TVP23C: variants seen among roughly 807,000 people sequenced by gnomAD.
TVP23C encodes trans-golgi network vesicle protein 23 homolog C.
A neutral mutation model predicts 28.7 loss-of-function variants in TVP23C; 19 were observed. The ratio of observed to expected loss-of-function variants is 0.66; its 90% CI spans 0.46 to 0.97. The LOEUF (loss-of-function observed/expected upper bound fraction) is 0.97. TVP23C is among the 50% of genes least tolerant of loss of function. TVP23C has a pLI of 0.00. For missense variants in TVP23C, 186 were observed against 241.3 expected, an observed-to-expected ratio of 0.77 and a Z score of 1.52; for synonymous variants, 68 against 81.7, an observed-to-expected ratio of 0.83 and a Z score of 0.90.
rs12452348 is a variant in TVP23C at position 15,502,540 on chromosome 17, G to A, written c.*324C>T. On this transcript the variant is annotated 3_prime_UTR_variant, in exon 6 of 6. Transcript: ENST00000225576. ...CCTTGGGGATCCCCTCCTTTGTCTG[G>A]AACCCTCTGGCTCACCGCATCCTTC... 3.1e-3 allele frequency: 821 copies of A among 268,964 alleles called. 10 individuals are homozygous for A. The highest frequency in any genetic ancestry group is 0.015 in the Admixed American group (288 of 19,198). The allele number at this position is 268,964 out of a possible 1,614,324, so 16.7% of individuals were successfully genotyped here. A position where few individuals can be genotyped will look rare whatever the true frequency, so the allele number is the denominator to read the frequency against.
intron 5 of TVP23C, among the ~76,000 whole-genome samples, chr17:15,511,136 T>C (rs1017753324): frequency 6.6e-6 from 1 of 151,456 alleles, no homozygotes; most frequent in African/African-American, 2.4e-5. Flanking sequence ...CCTTCCTGCA[T>C]TTCATAGCTA....
intron 5 of TVP23C, among the ~76,000 whole-genome samples, chr17:15,513,050 A>G (rs1010962327): frequency 2.0e-5 from 3 of 152,184 alleles, no homozygotes; most frequent in Non-Finnish European, 4.4e-5. Context: ...AAACACAGTA[A>G]CTTTCTGTTC....
At chr17:15,519,900 T>TCAAA (rs1365416438) in intron 5 of TVP23C, among the ~76,000 whole-genome samples, 2 of 152,202 alleles carry the variant, frequency 1.3e-5, no homozygotes, top group Admixed American at 1.3e-4. Context: ...AGACTCCGTC[T>TCAAA]CAAACAAACA....
At chr17:15,521,868 A>G (rs946557068) in intron 5 of TVP23C, among the ~76,000 whole-genome samples, 2 of 152,210 alleles carry the variant, frequency 1.3e-5, no homozygotes, top group African/African-American at 4.8e-5. Context: ...CATGTCTCTC[A>G]TTCTCTGACC....
At chr17:15,512,484 T>C (rs113449909) in intron 5 of TVP23C, among the ~76,000 whole-genome samples, 1 of 152,106 alleles carries the variant, frequency 6.6e-6, no homozygotes, top group African/African-American at 2.4e-5. Flanking sequence ...CCAGTAACTA[T>C]GACAACACTC....
chr17:15,549,203 A>G (rs568033795), intron 3 of TVP23C, among the ~76,000 whole-genome samples: 100 of 152,338 alleles, frequency 6.6e-4, no homozygotes, highest in African/African-American at 2.3e-3. Context: ...TGGGAGGAAG[A>G]AGAGCATTCC....
chr17:15,547,422 C>T (rs1416711059), intron 3 of TVP23C, among the ~76,000 whole-genome samples: 1 of 152,034 alleles, frequency 6.6e-6, no homozygotes. Flanking sequence ...TTTGCCCTTT[C>T]TCCAGTTCCC....
At chr17:15,529,931 T>A (rs1982885298) in intron 5 of TVP23C, among the ~76,000 whole-genome samples, 2 of 152,064 alleles carry the variant, frequency 1.3e-5, no homozygotes, top group Admixed American at 1.3e-4. Flanking sequence ...CCAGAGTAGT[T>A]GGGATTACAG....
chr17:15,506,502 G>A (rs189364887), intron 5 of TVP23C, among the ~76,000 whole-genome samples: 82 of 152,332 alleles, frequency 5.4e-4, no homozygotes, highest in Non-Finnish European at 1.0e-3. Context: ...CAGGATGTGG[G>A]TGGGGCCAAA....
Position 15,540,314 on chromosome 17 carries a change from A to T in TVP23C, c.*98T>A, listed in dbSNP as rs980333657. On this transcript the variant is annotated 3_prime_UTR_variant, in exon 6 of 6. Coordinates refer to ENST00000518321, the MANE Select transcript of TVP23C (RefSeq NM_001135036.2). ...AAAGAGCAATTACAACATCTTTATC[A>T]TTATATTTATACAACTATATGCCTT... is the stretch of plus-strand genomic sequence containing the variant. 1 of 1,370,054 alleles carries T rather than the reference A, an allele frequency of 7.3e-7. No homozygotes were observed. Among genetic ancestry groups the T allele is most frequent in the African/African-American group, 1.5e-5 (1 of 66,866 alleles). The allele number at this position is 1,370,054 out of a possible 1,614,324, so 84.9% of individuals were successfully genotyped here. A position where few individuals can be genotyped will look rare whatever the true frequency, so the allele number is the denominator to read the frequency against.
At position 15,538,646 on chromosome 17, in the gene TVP23C, T is replaced by C; in HGVS notation, c.*1766A>G. On this transcript the variant is annotated 3_prime_UTR_variant, in exon 6 of 6. Transcript: ENST00000518321. The stretch of plus-strand genomic sequence containing the variant: ...TGCGCTAATGAAGTAAATCCATGGA[T>C]ACCATCATCCACCCAGCTGTCCAGT... The C allele has an allele frequency of 2.0e-6, 2 of 984,192 alleles. No individual in the cohort carries two copies. The highest frequency in any genetic ancestry group is 2.4e-6 in the Non-Finnish European group (2 of 828,948). The allele number at this position is 984,192 out of a possible 1,614,324, so 61.0% of individuals were successfully genotyped here. A position where few individuals can be genotyped will look rare whatever the true frequency, so the allele number is the denominator to read the frequency against.
chr17:15,526,933 T>G (rs1266826593), intron 5 of TVP23C, among the ~76,000 whole-genome samples: 1 of 152,240 alleles, frequency 6.6e-6, no homozygotes, highest in Admixed American at 6.5e-5. Flanking sequence ...TGATCTCTGT[T>G]AAATAAAATT....
intron 5 of TVP23C, chr17:15,531,039 ATCCTTTC>A (rs1982931321): frequency 6.6e-6 from 1 of 152,188 alleles, no homozygotes; most frequent in East Asian, 1.9e-4. Flanking sequence ...CACCATGCTC[ATCCTTTC>A]TTATAGTTTT....
chr17:15,502,749 C>A, exon 6 of TVP23C: 1 of 1,020,742 alleles, frequency 9.8e-7, no homozygotes. Flanking sequence ...TCCTCTCTCC[C>A]GTCTCTTTCT....
At chr17:15,524,063 G>GGGGGGTGTGTGTGTGTGTGTGT (rs1216462843) in intron 5 of TVP23C, among the ~76,000 whole-genome samples, 1 of 136,262 alleles carries the variant, frequency 7.3e-6, no homozygotes, top group African/African-American at 2.8e-5. Context: ...AGCAGAGTGG[G>GGGGGGTGTGTGTGTGTGTGTGT]GTGTGTGTGT....
chr17:15,540,518 T>C lies in TVP23C; in HGVS notation c.506A>G (p.Tyr169Cys). The C allele has an allele frequency of 6.2e-7, 1 of 1,613,054 alleles. No homozygotes were observed. The highest frequency in any genetic ancestry group is 8.5e-7 in the Non-Finnish European group (1 of 1,179,636). The change falls in exon 6 of 6, where the codon TAT becomes TGT. Residue 169 changes from tyrosine to cysteine, a missense_variant. Physicochemically the swap from Tyr to Cys is radical, Grantham distance 194. Coordinates refer to ENST00000518321, the MANE Select transcript of TVP23C (RefSeq NM_001135036.2). Reference protein sequence around the residue: ...MGVVLQGANLYGYIRCKVRSR... With the variant: ...MGVVLQGANLCGYIRCKVRSR... Reference sequence around the variant, plus strand: ...GCGCACCTTACACCTGATGTAACCATACAGGTTGGCACCTTGTAGCACCAC... The same window carrying C: ...GCGCACCTTACACCTGATGTAACCACACAGGTTGGCACCTTGTAGCACCAC...
intron 5 of TVP23C, among the ~76,000 whole-genome samples, chr17:15,541,308 G>A (rs1273037567): frequency 6.6e-6 from 1 of 152,254 alleles, no homozygotes; most frequent in Non-Finnish European, 1.5e-5. Context: ...GATCAGCAAA[G>A]TTCTCCTGTA....
Position 15,558,090 on chromosome 17 carries a change from C to G in TVP23C, c.13-2726G>C, listed in dbSNP as rs1984213923. Among the ~76,000 whole-genome samples the G allele has an allele frequency of 2.0e-5, 3 of 149,474 alleles. 1 individual carries two copies. The highest frequency in any genetic ancestry group is 2.4e-5 in the African/African-American group (1 of 41,244). Reference sequence around the variant, plus strand: ...AAAAGGCTGATACTTGGGTCCAGCCCTCAGTGGTTCAGATATAATTGCTTT... The same window carrying G: ...AAAAGGCTGATACTTGGGTCCAGCCGTCAGTGGTTCAGATATAATTGCTTT... On this transcript the variant is annotated intron_variant, in intron 1 of 5. Transcript: ENST00000518321.
At chr17:15,523,774 C>T (rs1982589762) in intron 5 of TVP23C, among the ~76,000 whole-genome samples, 2 of 151,962 alleles carry the variant, frequency 1.3e-5, no homozygotes, top group African/African-American at 2.4e-5. Flanking sequence ...CCACCATGCC[C>T]GGCTAATTTT....
Sources: gnomAD v4.1 joint callset for allele counts (sites outside exome capture counted in the v4.1 genomes callset) on GRCh38, gnomAD v4.1.1 for gene constraint, MANE v1.5 for transcripts, NCBI Gene and HGNC (gene_info 2026-07-23, HGNC 2026-07-21) for gene names.